Variants in CREB5 observed in about 807,000 individuals in gnomAD.
The protein encoded by CREB5 is cyclic AMP-responsive element-binding protein 5.
CREB5 carries 19 observed loss-of-function variants against 57.1 expected under a neutral mutation model. The observed-to-expected ratio is 0.33, with a 90% CI of 0.23 to 0.49. The LOEUF (loss-of-function observed/expected upper bound fraction) is 0.49. CREB5 is among the 20% of genes least tolerant of loss of function. The pLI is 0.99. For missense variants in CREB5, 579 were observed against 671.6 expected (o/e 0.86, Z 1.52); for synonymous variants, 238 against 238.3 (o/e 1.00, Z 0.01).
chr7:28,444,877 GT>G (rs1285608028), intron 1 of CREB5, among the ~76,000 whole-genome samples: 13 of 152,168 alleles, frequency 8.5e-5, no homozygotes, highest in Non-Finnish European at 1.9e-4. Flanking sequence ...GGTCATAAAT[GT>G]CATGAGTTTC....
chr7:28,573,773 C>G (rs1795796202), intron 5 of CREB5, among the ~76,000 whole-genome samples: 1 of 152,224 alleles, frequency 6.6e-6, no homozygotes, highest in Admixed American at 6.5e-5. Context: ...TAGGCATCCT[C>G]ATAAGCATTT....
chr7:28,816,397 T>C (rs10486594), intron 9 of CREB5, among the ~76,000 whole-genome samples: 10,364 of 152,298 alleles, frequency 0.068, 496 homozygotes, highest in Non-Finnish European at 0.11. Flanking sequence ...AGGTACAATT[T>C]GCCTTCTTGT....
At chr7:28,410,393 C>T, upstream of CREB5, 1 of 456,746 alleles carries the variant, frequency 2.2e-6, no homozygotes, top group Non-Finnish European at 4.4e-6. Context: ...GGAGTCTCCC[C>T]CTGCGGCAGA....
chr7:28,378,355 AT>A (rs1786888665), intron 1 of CREB5, among the ~76,000 whole-genome samples: 1 of 152,106 alleles, frequency 6.6e-6, no homozygotes, highest in Non-Finnish European at 1.5e-5. Context: ...TGACGAGTTA[AT>A]GGGTGCAGCA....
intron 5 of CREB5, among the ~76,000 whole-genome samples, chr7:28,652,811 C>T (rs573208996): frequency 2.4e-4 from 36 of 152,276 alleles, no homozygotes; most frequent in African/African-American, 8.4e-4. Context: ...TGATGCTACC[C>T]GAATGTGTAA....
intron 5 of CREB5, among the ~76,000 whole-genome samples, chr7:28,574,110 G>A (rs759858880): frequency 7.2e-5 from 11 of 152,214 alleles, no homozygotes; most frequent in Non-Finnish European, 1.5e-4. Flanking sequence ...ACGCTCTGCC[G>A]GGAAGAGTGT....
At chr7:28,699,241 T>C (rs1214565771) in intron 5 of CREB5, among the ~76,000 whole-genome samples, 2 of 151,844 alleles carry the variant, frequency 1.3e-5, no homozygotes, top group Non-Finnish European at 2.9e-5. Context: ...GTTTAGAAAC[T>C]AGAGTATTAA....
intron 5 of CREB5, among the ~76,000 whole-genome samples, chr7:28,580,952 CT>C (rs1562810227): frequency 6.6e-6 from 1 of 152,126 alleles, no homozygotes; most frequent in Non-Finnish European, 1.5e-5. Context: ...ACTCAGGAAG[CT>C]TTTTTGATTG....
chr7:28,436,480 G>A (rs1562714912), intron 1 of CREB5, among the ~76,000 whole-genome samples: 1 of 152,246 alleles, frequency 6.6e-6, no homozygotes, highest in African/African-American at 2.4e-5. Flanking sequence ...CTTTGGTTGG[G>A]TGGCAAGAAG....
At chr7:28,754,120 A>T (rs1805149362) in intron 7 of CREB5, among the ~76,000 whole-genome samples, 1 of 152,122 alleles carries the variant, frequency 6.6e-6, no homozygotes, top group Non-Finnish European at 1.5e-5. Flanking sequence ...GTTCCACTCC[A>T]TCTGCATGAA....
chr7:28,303,697 C>T (rs1344662631), intron 1 of CREB5, among the ~76,000 whole-genome samples: 2 of 152,010 alleles, frequency 1.3e-5, no homozygotes, highest in African/African-American at 4.8e-5. Context: ...CTCCCTGTGG[C>T]CAATTTCTTA....
intron 1 of CREB5, among the ~76,000 whole-genome samples, chr7:28,321,427 A>G (rs533051380): frequency 3.9e-5 from 6 of 152,096 alleles, no homozygotes; most frequent in Non-Finnish European, 8.8e-5. Context: ...TTTTTCTTCT[A>G]TCTCTCTCTC....
At chr7:28,751,805 C>CT (rs1278702589) in intron 7 of CREB5, among the ~76,000 whole-genome samples, 2 of 152,070 alleles carry the variant, frequency 1.3e-5, no homozygotes, top group African/African-American at 2.4e-5. Context: ...TCACCAATGT[C>CT]TTTTTTTCTG....
intron 5 of CREB5, among the ~76,000 whole-genome samples, chr7:28,663,151 AAAAAG>A (rs1237333208): frequency 2.0e-5 from 3 of 151,920 alleles, no homozygotes; most frequent in Non-Finnish European, 2.9e-5. Context: ...TCTCAAAAAA[AAAAAG>A]AAAGATCGAA....
At chr7:28,736,802 T>C (rs2128754103) in intron 7 of CREB5, among the ~76,000 whole-genome samples, 1 of 150,858 alleles carries the variant, frequency 6.6e-6, no homozygotes, top group African/African-American at 2.4e-5. Flanking sequence ...GTCAGCTATG[T>C]ACTTAGGCTC....
intron 4 of CREB5, among the ~76,000 whole-genome samples, chr7:28,514,135 T>C (rs1041823048): frequency 1.3e-5 from 2 of 152,208 alleles, no homozygotes; most frequent in African/African-American, 2.4e-5. Flanking sequence ...TGGATCTTAA[T>C]TGATGAATCC....
intron 4 of CREB5, among the ~76,000 whole-genome samples, chr7:28,537,804 T>A (rs898108574): frequency 3.3e-5 from 5 of 152,220 alleles, no homozygotes; most frequent in Non-Finnish European, 5.9e-5. Flanking sequence ...ATTCTTCTTT[T>A]TGGCATCCAT....
At chr7:28,724,408 T>C in intron 7 of CREB5, 76 bp downstream of exon 7, 2 of 1,238,056 alleles carry the variant, frequency 1.6e-6, no homozygotes, top group South Asian at 1.3e-5. Context: ...TCCAAAACCT[T>C]AGTTCAGCTA....
chr7:28,806,643 T>C (rs1038817509), intron 8 of CREB5, among the ~76,000 whole-genome samples: 2 of 152,222 alleles, frequency 1.3e-5, no homozygotes, highest in East Asian at 1.9e-4. Context: ...TCCTGGCTTC[T>C]TGTGCTCCTC....
Sources: gnomAD v4.1 joint callset for allele counts (sites outside exome capture counted in the v4.1 genomes callset) on GRCh38, gnomAD v4.1.1 for gene constraint, MANE v1.5 for transcripts, NCBI Gene and HGNC (gene_info 2026-07-23, HGNC 2026-07-21) for gene names.